Variants in CHRNB3 observed in about 807,000 individuals in gnomAD.
The protein encoded by CHRNB3 is cholinergic receptor nicotinic beta 3 subunit.
A neutral mutation model predicts 40.6 loss-of-function variants in CHRNB3; 37 were observed. The observed-to-expected ratio is 0.91, with a 90% CI of 0.70 to 1.20. The LOEUF is 1.20. CHRNB3 is among the 50% of genes most tolerant of loss of function. CHRNB3 has a pLI of 0.00. For missense variants in CHRNB3, 505 were observed against 551.2 expected (o/e 0.92, Z 0.84); for synonymous variants, 207 against 207.1 (o/e 1.00, Z 0.00).
intron 1 of CHRNB3, chr8:42,704,619 C>CA (rs1815888542): frequency 6.6e-6 from 1 of 152,204 alleles, no homozygotes; most frequent in Non-Finnish European, 1.5e-5. Flanking sequence ...TGCTCATCTT[C>CA]AAGAACCCTC....
intron 3 of CHRNB3, among the ~76,000 whole-genome samples, chr8:42,728,784 T>C (rs1317941080): frequency 6.6e-6 from 1 of 152,188 alleles, no homozygotes; most frequent in Non-Finnish European, 1.5e-5. Flanking sequence ...GCAGTTATTA[T>C]ACAGCTATTT....
chr8:42,711,839 C>T (rs1816021244), intron 3 of CHRNB3, among the ~76,000 whole-genome samples: 1 of 151,694 alleles, frequency 6.6e-6, no homozygotes, highest in African/African-American at 2.4e-5. Flanking sequence ...TATTCCCCTC[C>T]CTTCCTCCTT....
chr8:42,704,655 G>C (rs372257339), intron 1 of CHRNB3, among the ~76,000 whole-genome samples: 1 of 151,996 alleles, frequency 6.6e-6, no homozygotes, highest in African/African-American at 2.4e-5. Flanking sequence ...AAATTCTCCC[G>C]GCTCACAGTT....
Position 42,720,111 on chromosome 8 carries a change from C to CTTTTTTTTTTTTTTTT in CHRNB3, c.249+9696_249+9711dup, listed in dbSNP as rs869178430. ...CAACCCTGCCCCACTCAGAAGCCTT[C>CTTTTTTTTTTTTTTTT]TTTTTTTTTTTTTTTTTTTTTTTTT... On this transcript the variant is annotated intron_variant, in intron 3 of 5. Transcript: ENST00000289957. Among the ~76,000 whole-genome samples, 2 of 48,746 alleles carry CTTTTTTTTTTTTTTTT rather than the reference C, an allele frequency of 4.1e-5. 1 individual carries two copies. Among genetic ancestry groups the CTTTTTTTTTTTTTTTT allele is most frequent in the African/African-American group, 1.8e-4 (2 of 11,180 alleles). The allele number at this position is 48,746 out of a possible 152,430, so 32.0% of individuals were successfully genotyped here.
chr8:42,703,435 A>AAAAAAAAAATATATACATAT, intron 1 of CHRNB3, among the ~76,000 whole-genome samples: 1 of 47,400 alleles, frequency 2.1e-5, no homozygotes, highest in Admixed American at 2.3e-4. Flanking sequence ...AAAAAAAAAA[A>AAAAAAAAAATATATACATAT]ATATTTATAT....
chr8:42,700,133 C>A (rs556797839), intron 1 of CHRNB3, among the ~76,000 whole-genome samples: 1 of 151,612 alleles, frequency 6.6e-6, no homozygotes, highest in Non-Finnish European at 1.5e-5. Context: ...CCTACCTCAG[C>A]CTCCAGAGGA....
In CHRNB3 at chr8:42,732,442, A is replaced by C; in HGVS notation, c.1135A>C (p.Lys379Gln). The C allele has an allele frequency of 6.2e-7, 1 of 1,614,098 alleles. No homozygotes were observed. Among genetic ancestry groups the C allele is most frequent in the Non-Finnish European group, 8.5e-7 (1 of 1,180,022 alleles). The change falls in exon 5 of 6, where the codon AAA (lysine) becomes CAA (glutamine). Residue 379 changes from lysine to glutamine, a missense_variant. Lys to Gln is a moderately conservative substitution (Grantham distance 53). Coordinates refer to ENST00000289957, the MANE Select transcript of CHRNB3 (RefSeq NM_000749.5). ...CAAAGTCCTCGAAAAAAAGAAACAG[A>C]AACAGCTTAGTGATGGAGAAAAAGT... ...KGKVLEKKKQ[K>Q]QLSDGEKVLV...
At chr8:42,704,382 G>T (rs1279922363) in intron 1 of CHRNB3, 1 of 152,248 alleles carries the variant, frequency 6.6e-6, no homozygotes, top group Non-Finnish European at 1.5e-5. Flanking sequence ...TGGTAACACA[G>T]GTGGAGATGT....
At position 42,730,704 on chromosome 8, in the gene CHRNB3, G is replaced by GT. The variant is rs748058161; in HGVS notation, c.359+2dup. 4 of 1,558,126 alleles carry GT rather than the reference G, an allele frequency of 2.6e-6. No individual in the cohort carries two copies. Among genetic ancestry groups the GT allele is most frequent in the African/African-American group, 1.4e-5 (1 of 73,120 alleles). On this transcript the variant is annotated splice_donor_variant, in intron 4 of 5. Coordinates refer to ENST00000289957, the MANE Select transcript of CHRNB3 (RefSeq NM_000749.5). LOFTEE classifies it high-confidence loss of function. ...TTCCTGACATAGTTCTCTTTGAAAA[G>GT]TAAGTATCACATTGTTTCTTACTTA...
chr8:42,730,731 G>A, intron 4 of CHRNB3, 28 bp downstream of exon 4: 6 of 1,434,024 alleles, frequency 4.2e-6, no homozygotes, highest in Non-Finnish European at 5.8e-6. Flanking sequence ...TCTTACTTAT[G>A]GGGAAAAAAA....
At chr8:42,732,683 A>G (rs1478164934) in intron 5 of CHRNB3, 134 bp downstream of exon 5, 13 of 848,118 alleles carry the variant, frequency 1.5e-5, no homozygotes, top group Non-Finnish European at 2.0e-5. Context: ...TATACATATA[A>G]CATTTAAAGC....
chr8:42,715,386 C>T (rs1255897334), intron 3 of CHRNB3, among the ~76,000 whole-genome samples: 5 of 152,150 alleles, frequency 3.3e-5, no homozygotes, highest in Admixed American at 2.6e-4. Flanking sequence ...TATCCAAAAG[C>T]TCTCACATTT....
intron 1 of CHRNB3, among the ~76,000 whole-genome samples, chr8:42,708,250 A>G (rs1238187803): frequency 1.3e-5 from 2 of 152,124 alleles, no homozygotes; most frequent in African/African-American, 2.4e-5. Flanking sequence ...ACAGACCACG[A>G]GGTCAGGAGA....
At position 42,728,908 on chromosome 8, in the gene CHRNB3, G is replaced by C. The variant is rs114041373; in HGVS notation, c.250-1686G>C. ...GCTACTGTAAGTGAGTTCCCTCCAA[G>C]ATCTCTGAGACTCAGACCTACCAAT... On this transcript the variant is annotated intron_variant, in intron 3 of 5. Coordinates refer to ENST00000289957, the MANE Select transcript of CHRNB3 (RefSeq NM_000749.5). Among the ~76,000 whole-genome samples, 313 of 152,222 alleles carry C rather than the reference G, an allele frequency of 2.1e-3. 2 individuals carry two copies. The highest frequency in any genetic ancestry group is 7.3e-3 in the African/African-American group (304 of 41,518).
rs1316872227 is a variant in CHRNB3 at position 42,731,678 on chromosome 8, G to A, written c.371G>A (p.Arg124His). The change falls in exon 5 of 6, where the codon CGC (arginine) becomes CAC (histidine). Residue 124 changes from arginine (R) to histidine (H), a missense_variant. Coordinates refer to ENST00000289957, the MANE Select transcript of CHRNB3 (RefSeq NM_000749.5). ...DIVLFENADG[R>H]FEGSLMTKVI... ...TGCTTTGATTGCAGTGCTGACGGCC[G>A]CTTCGAAGGCTCCCTGATGACCAAG... The A allele has an allele frequency of 4.4e-6, 7 of 1,606,154 alleles. No individual in the cohort carries two copies. The South Asian group carries it at 4.4e-5, about 10-fold the overall frequency.
intron 1 of CHRNB3, among the ~76,000 whole-genome samples, chr8:42,700,638 CCTGG>C (rs1001874313): frequency 6.6e-6 from 1 of 152,018 alleles, no homozygotes; most frequent in Non-Finnish European, 1.5e-5. Flanking sequence ...TCTTTTCTGT[CCTGG>C]CTGAGGATAA....
At chr8:42,731,622 G>C (rs1816419220) in intron 4 of CHRNB3, 45 bp from the exon 5 acceptor site, 3 of 1,527,734 alleles carry the variant, frequency 2.0e-6, no homozygotes, top group Admixed American at 4.5e-5. Context: ...ACAAAAACTA[G>C]CAGGTGCTCC....
intron 3 of CHRNB3, chr8:42,726,192 G>A (rs1816306200): frequency 2.8e-6 from 3 of 1,080,876 alleles, no homozygotes; most frequent in Non-Finnish European, 4.2e-6. Context: ...AGATTTTCTG[G>A]AACCAAAGGG....
At position 42,736,856 on chromosome 8, in the gene CHRNB3, A is replaced by G. The variant is rs1816534092; in HGVS notation, c.*238A>G. 3 of 553,852 alleles carry G rather than the reference A, an allele frequency of 5.4e-6. No individual in the cohort carries two copies. Among genetic ancestry groups the G allele is most frequent in the Non-Finnish European group, 6.4e-6 (2 of 313,764 alleles). 34.3% of individuals were successfully genotyped at this position (553,852 alleles called of 1,614,324 possible). A position where few individuals can be genotyped will look rare whatever the true frequency, so the allele number is the denominator to read the frequency against. On this transcript the variant is annotated 3_prime_UTR_variant, in exon 6 of 6. Transcript: ENST00000289957. Reference sequence around the variant, plus strand: ...GACCCCTGCCTTGGCTTTCCCAGACATTCAGGGAGGGATCATAGGTCCAGG... The same window carrying G: ...GACCCCTGCCTTGGCTTTCCCAGACGTTCAGGGAGGGATCATAGGTCCAGG...
Sources: allele counts gnomAD v4.1 joint callset (sites outside exome capture counted in the v4.1 genomes callset), GRCh38; gene constraint gnomAD v4.1.1; transcripts MANE v1.5; gene names NCBI Gene and HGNC (gene_info 2026-07-23, HGNC 2026-07-21).